The following GLIS1 variants were observed in gnomAD, a reference collection of about 807,000 sequenced individuals.
GLIS1 encodes the protein zinc finger protein GLIS1.
A neutral mutation model predicts 63.8 loss-of-function variants in GLIS1; 24 were observed. That is an observed-to-expected ratio of 0.38 (90% CI 0.27 to 0.53). GLIS1 has a LOEUF of 0.53. Ranked by LOEUF, GLIS1 falls within the 20% of genes least tolerant of loss-of-function variation. The probability of loss-of-function intolerance (pLI) is 0.85; values close to 1 mark genes in which losing one functional copy is unlikely to be tolerated. For synonymous variants in GLIS1, 450 were observed against 482.5 expected (o/e 0.93, Z 0.88); for missense variants, 1,036 against 1,074.1 (o/e 0.96, Z 0.50).
chr1:53,514,099 G>A (rs1644324855), intron 8 of GLIS1, among the ~76,000 whole-genome samples: 1 of 152,252 alleles, frequency 6.6e-6, no homozygotes. Context: ...GGTGCAGGAA[G>A]AGGCTGCCCC....
At chr1:53,546,718 G>A (rs138011611) in intron 4 of GLIS1, among the ~76,000 whole-genome samples, 13 of 152,266 alleles carry the variant, frequency 8.5e-5, no homozygotes, top group African/African-American at 2.6e-4. Context: ...TCTCTTCTGC[G>A]GCCATCATTC....
intron 2 of GLIS1, among the ~76,000 whole-genome samples, chr1:53,637,792 C>T (rs746634654): frequency 3.9e-5 from 6 of 152,124 alleles, no homozygotes; most frequent in Non-Finnish European, 5.9e-5. Context: ...TGAGCACCTG[C>T]GCAGCTACCA....
intron 2 of GLIS1, among the ~76,000 whole-genome samples, chr1:53,610,234 T>C (rs1383607042): frequency 6.6e-6 from 1 of 152,206 alleles, no homozygotes; most frequent in African/African-American, 2.4e-5. Context: ...TATTTATATA[T>C]TTCTCAAAAC....
Position 53,556,337 on chromosome 1 carries a change from C to T in GLIS1, c.1321-26385G>A, listed in dbSNP as rs536725139. On this transcript the variant is annotated intron_variant, in intron 4 of 10. Transcript: ENST00000628545. ...CAGGTGTACTGCAGGTGTGTGTGTG[C>T]AGGCATACTGCAGGTGTGTGTATGC... is the stretch of plus-strand genomic sequence containing the variant. Among the ~76,000 whole-genome samples the T allele has an allele frequency of 1.3e-4, 9 of 71,160 alleles. No homozygotes were observed. The South Asian group carries it at 4.3e-3, about 34-fold the overall frequency. The allele number at this position is 71,160 out of a possible 152,430, so 46.7% of individuals were successfully genotyped here. A position where few individuals can be genotyped will look rare whatever the true frequency, so the allele number is the denominator to read the frequency against.
At chr1:53,727,003 C>T (rs1646812025) in intron 2 of GLIS1, among the ~76,000 whole-genome samples, 1 of 152,234 alleles carries the variant, frequency 6.6e-6, no homozygotes, top group Admixed American at 6.5e-5. Context: ...ATGTGTTCTA[C>T]AGGCACTCCT....
chr1:53,708,825 G>A (rs1483092170), intron 2 of GLIS1, among the ~76,000 whole-genome samples: 1 of 152,130 alleles, frequency 6.6e-6, no homozygotes, highest in Non-Finnish European at 1.5e-5. Context: ...GCAGAGCTGG[G>A]GAGCGTTATC....
chr1:53,675,194 T>C (rs1179920383), intron 2 of GLIS1, among the ~76,000 whole-genome samples: 1 of 152,188 alleles, frequency 6.6e-6, no homozygotes, highest in African/African-American at 2.4e-5. Context: ...CAAAATAGCC[T>C]CTTTCCCAAA....
chr1:53,698,597 C>A (rs985460622), intron 2 of GLIS1, among the ~76,000 whole-genome samples: 2 of 152,230 alleles, frequency 1.3e-5, no homozygotes, highest in African/African-American at 4.8e-5. Context: ...AGAACACCAG[C>A]CCTTGGCCAA....
rs772308238 is a variant in GLIS1 at position 53,598,283 on chromosome 1, C to A, written c.437+1818G>T. ...GAGGGCCGGGCACGGTGGCTCACGC[C>A]TGTAATCCCAGCACTTTGGGAGGCT... On this transcript the variant is annotated intron_variant, in intron 3 of 10. Transcript: ENST00000628545. The surrounding 1 kb of genome is among the most constrained non-coding windows in gnomAD (Gnocchi z 4.6). 6.6e-6 allele frequency among the ~76,000 whole-genome samples: 1 copy of A among 152,204 alleles called. No homozygotes were observed. The highest frequency in any genetic ancestry group is 2.4e-5 in the African/African-American group (1 of 41,450).
intron 4 of GLIS1, among the ~76,000 whole-genome samples, chr1:53,570,314 G>C (rs765463251): frequency 6.6e-6 from 1 of 151,894 alleles, no homozygotes; most frequent in Admixed American, 6.6e-5. Context: ...AGAGATGGGG[G>C]TCTTACTATG....
intron 4 of GLIS1, among the ~76,000 whole-genome samples, chr1:53,532,809 G>A (rs574858427): frequency 5.3e-5 from 8 of 152,346 alleles, no homozygotes; most frequent in South Asian, 2.1e-4. Flanking sequence ...TCTTCTCCCC[G>A]AGGTCTGTGT....
chr1:53,564,509 T>C (rs1050342597), intron 4 of GLIS1, among the ~76,000 whole-genome samples: 2 of 152,038 alleles, frequency 1.3e-5, no homozygotes, highest in Admixed American at 6.5e-5. Context: ...AAATTGAAAA[T>C]GGACTAAATT....
chr1:53,734,328 A>T, intron 2 of GLIS1: 1 of 362,552 alleles, frequency 2.8e-6, no homozygotes, highest in Non-Finnish European at 3.8e-6. Flanking sequence ...TATGGCATAG[A>T]TACTAGTTAC....
At chr1:53,597,657 G>A (rs1485983310) in intron 3 of GLIS1, among the ~76,000 whole-genome samples, 6 of 152,168 alleles carry the variant, frequency 3.9e-5, no homozygotes, top group Non-Finnish European at 8.8e-5. Flanking sequence ...ACACAAGGCC[G>A]TCGGGCGGTT....
At chr1:53,612,877 G>A (rs1645440260) in intron 2 of GLIS1, among the ~76,000 whole-genome samples, 2 of 150,580 alleles carry the variant, frequency 1.3e-5, no homozygotes, top group Non-Finnish European at 3.0e-5. Context: ...GGAGTGCAGT[G>A]GCACGATCTC....
intron 2 of GLIS1, among the ~76,000 whole-genome samples, chr1:53,637,993 T>C (rs546119975): frequency 6.6e-6 from 1 of 152,196 alleles, no homozygotes; most frequent in Admixed American, 6.5e-5. Flanking sequence ...ATGGGAGATG[T>C]TGGCCCCTGC....
chr1:53,602,954 G>A (rs1019734833), intron 2 of GLIS1, among the ~76,000 whole-genome samples: 5 of 152,196 alleles, frequency 3.3e-5, no homozygotes, highest in Non-Finnish European at 7.3e-5. Context: ...AGGAGGGTAA[G>A]CCCGCTCCAT....
chr1:53,718,622 A>G (rs899847228), intron 2 of GLIS1, among the ~76,000 whole-genome samples: 1 of 152,060 alleles, frequency 6.6e-6, no homozygotes. Context: ...CTACAGAAAC[A>G]GCTTTACCAT....
chr1:53,561,027 C>T (rs201647155), intron 4 of GLIS1, among the ~76,000 whole-genome samples: 3 of 152,070 alleles, frequency 2.0e-5, no homozygotes, highest in Non-Finnish European at 2.9e-5. Flanking sequence ...CCCCCAGGAC[C>T]GAGCCCCTAC....
Sources: gnomAD v4.1 joint callset for allele counts (sites outside exome capture counted in the v4.1 genomes callset) on GRCh38, gnomAD v4.1.1 for gene constraint, Gnocchi (gnomAD v3.1) non-coding constraint, MANE v1.5 for transcripts, NCBI Gene and HGNC (gene_info 2026-07-23, HGNC 2026-07-21) for gene names.